Variants in CCDC38 observed in about 807,000 individuals in gnomAD.
The protein encoded by CCDC38 is coiled-coil domain-containing protein 38.
A neutral mutation model predicts 72.8 loss-of-function variants in CCDC38; 69 were observed. The observed-to-expected ratio is 0.95, with a 90% CI of 0.78 to 1.16. CCDC38 has a LOEUF of 1.16. Among genes scored for constraint, CCDC38 ranks in the 50% most tolerant of loss-of-function variants. The pLI is 0.00. For synonymous variants in CCDC38, 201 were observed against 213.2 expected, an observed-to-expected ratio of 0.94 and a Z score of 0.50; for missense variants, 626 against 638.9, an observed-to-expected ratio of 0.98 and a Z score of 0.22.
At chr12:95,890,960 C>A (rs1565948820) in intron 8 of CCDC38, 30 bp from the exon 9 acceptor site, 4 of 1,272,232 alleles carry the variant, frequency 3.1e-6, no homozygotes, top group Non-Finnish European at 4.5e-6. Flanking sequence ...AGGAGAGAGA[C>A]AGAGAAAGAT....
Position 95,903,487 on chromosome 12 carries a change from A to G in CCDC38, c.369+2900T>C, listed in dbSNP as rs553164974. Reference sequence around the variant, plus strand: ...TCCTAATCTTAGGGGGAAAGCATTCAGTCTTTTACCATTAGATATGTAATG... The same window carrying G: ...TCCTAATCTTAGGGGGAAAGCATTCGGTCTTTTACCATTAGATATGTAATG... On this transcript the variant is annotated intron_variant, in intron 5 of 15. Transcript: ENST00000344280. 168 of 700,118 alleles carry G rather than the reference A, an allele frequency of 2.4e-4. No homozygotes were observed. The African/African-American group carries it at 2.7e-3, about 11-fold the overall frequency. The allele number at this position is 700,118 out of a possible 1,614,324, so 43.4% of individuals were successfully genotyped here. A position where few individuals can be genotyped will look rare whatever the true frequency, so the allele number is the denominator to read the frequency against.
At chr12:95,896,818 C>T (rs1292797415) in intron 7 of CCDC38, among the ~76,000 whole-genome samples, 1 of 123,080 alleles carries the variant, frequency 8.1e-6, no homozygotes, top group Admixed American at 7.3e-5. Flanking sequence ...ATCTCCTGCA[C>T]CTTTCTAGAT....
chr12:95,867,932 T>G (rs544063587), intron 15 of CCDC38, among the ~76,000 whole-genome samples: 1 of 152,232 alleles, frequency 6.6e-6, no homozygotes. Context: ...ACAATTCTTA[T>G]GTGAGATTGT....
At chr12:95,913,308 C>T (rs2080113717) in intron 4 of CCDC38, among the ~76,000 whole-genome samples, 1 of 152,128 alleles carries the variant, frequency 6.6e-6, no homozygotes, top group Admixed American at 6.5e-5. Flanking sequence ...ATATTTGCTG[C>T]CCCTCTCTGT....
chr12:95,876,693 A>ATG (rs373574431), intron 13 of CCDC38, among the ~76,000 whole-genome samples: 10 of 152,240 alleles, frequency 6.6e-5, no homozygotes, highest in African/African-American at 2.2e-4. Flanking sequence ...TCCCTAGGAA[A>ATG]TGTGTGTGTG....
intron 4 of CCDC38, among the ~76,000 whole-genome samples, chr12:95,909,854 C>A (rs2080071728): frequency 6.6e-6 from 1 of 152,144 alleles, no homozygotes; most frequent in South Asian, 2.1e-4. Flanking sequence ...TCCAACATCC[C>A]CTTATGATAA....
intron 10 of CCDC38, among the ~76,000 whole-genome samples, chr12:95,887,147 T>C (rs2079768984): frequency 6.6e-6 from 1 of 152,130 alleles, no homozygotes; most frequent in Non-Finnish European, 1.5e-5. Context: ...ACTGTGCCAT[T>C]GCACTCCAGC....
chr12:95,897,707 T>C (rs1268403747), intron 7 of CCDC38, among the ~76,000 whole-genome samples: 1 of 152,072 alleles, frequency 6.6e-6, no homozygotes, highest in African/African-American at 2.4e-5. Flanking sequence ...TGGTACAATT[T>C]TATCCCAACT....
intron 2 of CCDC38, among the ~76,000 whole-genome samples, chr12:95,920,385 A>C (rs2080191900): frequency 6.6e-6 from 1 of 152,190 alleles, no homozygotes; most frequent in African/African-American, 2.4e-5. Context: ...TGAATCCATT[A>C]AATCTCTTTC....
intron 2 of CCDC38, among the ~76,000 whole-genome samples, chr12:95,927,505 G>A (rs1394018396): frequency 6.6e-6 from 1 of 151,696 alleles, no homozygotes; most frequent in Non-Finnish European, 1.5e-5. Context: ...TTGCCAGTCT[G>A]TGCCTTTTAA....
intron 1 of CCDC38, among the ~76,000 whole-genome samples, chr12:95,940,711 C>T (rs1224886206): frequency 1.3e-5 from 2 of 152,104 alleles, no homozygotes; most frequent in African/African-American, 4.8e-5. Context: ...CCACTGGGTC[C>T]TTGGCCTGCT....
rs2079675018 is a variant in CCDC38 at position 95,879,587 on chromosome 12, C to G, written c.1142+57G>C. ...GAGCCACATGTGAGTGAGTTGGACCCAGGCTCTGGTTAGAAATTGCTTAAT... is the reference window on the plus strand; with the variant it reads ...GAGCCACATGTGAGTGAGTTGGACCGAGGCTCTGGTTAGAAATTGCTTAAT... On this transcript the variant is annotated intron_variant, in intron 12 of 15. Coordinates refer to ENST00000344280, the MANE Select transcript of CCDC38 (RefSeq NM_182496.3). The surrounding 1 kb of genome is among the most constrained non-coding windows in gnomAD (Gnocchi z 5.5). 7.8e-6 allele frequency: 10 copies of G among 1,283,632 alleles called. No homozygotes were observed. The highest frequency in any genetic ancestry group is 1.9e-4 in the Middle Eastern group (1 of 5,150). 79.5% of individuals were successfully genotyped at this position (1,283,632 alleles called of 1,614,324 possible).
At chr12:95,927,126 A>T (rs1565966718) in intron 2 of CCDC38, among the ~76,000 whole-genome samples, 2 of 152,032 alleles carry the variant, frequency 1.3e-5, no homozygotes. Context: ...TGATCTGTCT[A>T]ATGTTGACAG....
Position 95,906,435 on chromosome 12 carries a change from C to T in CCDC38, c.321G>A (p.Arg107=), listed in dbSNP as rs766094626. The T allele has an allele frequency of 8.7e-6, 14 of 1,612,746 alleles. No individual in the cohort carries two copies. Among genetic ancestry groups the T allele is most frequent in the Middle Eastern group, 1.6e-4 (1 of 6,080 alleles). ...GGTCATTAATAAATTCATGGACAGT[C>T]CTTTTTGTGTCGGAACCTGTGAAGA... ...PRLIEGSDTK[R]TVHEFINDQR... The change falls in exon 5 of 16, where the codon AGG becomes AGA. Residue 107 remains arginine, a synonymous_variant. Coordinates refer to ENST00000344280, the MANE Select transcript of CCDC38 (RefSeq NM_182496.3).
chr12:95,890,678 C>T (rs543836475), intron 9 of CCDC38, among the ~76,000 whole-genome samples, 154 bp downstream of exon 9: 9 of 152,278 alleles, frequency 5.9e-5, no homozygotes, highest in East Asian at 3.9e-4. Context: ...TTTGTGATAA[C>T]GTGAGAGAGA....
At chr12:95,899,895 A>G (rs925237710) in intron 5 of CCDC38, among the ~76,000 whole-genome samples, 1 of 152,102 alleles carries the variant, frequency 6.6e-6, no homozygotes, top group African/African-American at 2.4e-5. Context: ...AAGCTGATGA[A>G]AGCGGGATGG....
intron 4 of CCDC38, among the ~76,000 whole-genome samples, chr12:95,916,890 T>C (rs1161459458): frequency 6.6e-6 from 1 of 152,122 alleles, no homozygotes; most frequent in Non-Finnish European, 1.5e-5. Context: ...CTACATTCTT[T>C]TGGCAGTAAC....
rs577109610 is a variant in CCDC38 at position 95,869,669 on chromosome 12, C to A, written c.1485-96G>T. On this transcript the variant is annotated intron_variant, in intron 14 of 15. Transcript: ENST00000344280. ...GTTAATGAGCCATGTGACTAGAAGA[C>A]CTCCTTTAAAGGTAAATGAAAATGA... 9.4e-6 allele frequency: 8 copies of A among 848,054 alleles called. No homozygotes were observed. The African/African-American group carries it at 1.2e-4, about 13-fold the overall frequency. 52.5% of individuals were successfully genotyped at this position (848,054 alleles called of 1,614,324 possible).
intron 13 of CCDC38, among the ~76,000 whole-genome samples, chr12:95,876,298 G>C (rs2079634588): frequency 1.3e-5 from 2 of 152,094 alleles, no homozygotes; most frequent in South Asian, 4.1e-4. Flanking sequence ...AGGAGAGGGA[G>C]GGATGGAAAG....
Sources: allele counts gnomAD v4.1 joint callset (sites outside exome capture counted in the v4.1 genomes callset), GRCh38; gene constraint gnomAD v4.1.1; non-coding constraint Gnocchi (gnomAD v3.1); transcripts MANE v1.5; gene names NCBI Gene and HGNC (gene_info 2026-07-23, HGNC 2026-07-21).